SUGCT: variants seen among roughly 807,000 people sequenced by gnomAD.
SUGCT encodes the protein succinyl-CoA:glutarate-CoA transferase.
SUGCT carries 41 observed loss-of-function variants against 55.0 expected under a neutral mutation model. The observed-to-expected ratio is 0.74, with a 90% CI of 0.58 to 0.97. The LOEUF is 0.97. Among genes scored for constraint, SUGCT ranks in the 50% least tolerant of loss-of-function variants. The pLI is 0.00. For synonymous variants in SUGCT, 187 were observed against 200.4 expected (o/e 0.93, Z 0.56); for missense variants, 568 against 547.8 (o/e 1.04, Z -0.37).
intron 12 of SUGCT, among the ~76,000 whole-genome samples, chr7:40,661,706 T>C (rs147855768): frequency 1.6e-4 from 24 of 152,300 alleles, no homozygotes; most frequent in African/African-American, 4.8e-4. Context: ...GCCCCTCCTA[T>C]ACTCAGCCTC....
rs1789094552 is a variant in SUGCT, at chr7:40,237,548, G to T, written c.485-87G>T. ...GTCTCGAAATGCTGCAGGATTTCTG[G>T]ATACAAATGTTTCTAACACACTATA... On this transcript the variant is annotated intron_variant, in intron 6 of 13. Coordinates refer to ENST00000335693, the MANE Select transcript of SUGCT (RefSeq NM_001193313.2). 6 of 999,288 alleles carry T rather than the reference G, an allele frequency of 6.0e-6. No homozygotes were observed. The South Asian group carries it at 7.8e-5, about 13-fold the overall frequency. 61.9% of individuals were successfully genotyped at this position (999,288 alleles called of 1,614,324 possible). A position where few individuals can be genotyped will look rare whatever the true frequency, so the allele number is the denominator to read the frequency against.
At chr7:40,563,553 A>G (rs1268654478) in intron 12 of SUGCT, among the ~76,000 whole-genome samples, 9 of 151,718 alleles carry the variant, frequency 5.9e-5, no homozygotes, top group South Asian at 4.2e-4. Context: ...AAAAAAAAAA[A>G]AGAGAGAGAA....
At chr7:40,519,597 G>A (rs1454091990) in intron 12 of SUGCT, among the ~76,000 whole-genome samples, 1 of 151,938 alleles carries the variant, frequency 6.6e-6, no homozygotes, top group Non-Finnish European at 1.5e-5. Flanking sequence ...AAAGGATTGA[G>A]AAAATTTTGA....
chr7:40,961,560 A>G, the SUGCT span, among the ~76,000 whole-genome samples: 1 of 152,214 alleles, frequency 6.6e-6, no homozygotes, highest in Non-Finnish European at 1.5e-5. Flanking sequence ...ATTTGCTTCA[A>G]AAGCAATTAA....
At chr7:40,440,668 C>T (rs1788466722) in intron 9 of SUGCT, among the ~76,000 whole-genome samples, 2 of 152,038 alleles carry the variant, frequency 1.3e-5, no homozygotes, top group Admixed American at 1.3e-4. Flanking sequence ...AGGGACTTTT[C>T]TAGGATCACT....
At chr7:40,950,681 C>T in the SUGCT span, among the ~76,000 whole-genome samples, 2 of 152,064 alleles carry the variant, frequency 1.3e-5, no homozygotes, top group Admixed American at 6.6e-5. Context: ...TGTTGAATTT[C>T]GTCAAAGGCC....
intron 13 of SUGCT, among the ~76,000 whole-genome samples, chr7:40,773,584 G>C (rs183025154): frequency 3.9e-5 from 6 of 152,318 alleles, no homozygotes; most frequent in South Asian, 4.1e-4. Flanking sequence ...TGCTTCAAAT[G>C]ATGAGCAGCT....
intron 9 of SUGCT, among the ~76,000 whole-genome samples, chr7:40,349,500 T>C (rs1797501744): frequency 6.6e-6 from 1 of 152,166 alleles, no homozygotes; most frequent in Non-Finnish European, 1.5e-5. Context: ...TTTGTCTGGA[T>C]AGTTGAGTCT....
chr7:40,389,442 A>AAAACAAACAAACAAAC (rs67574547), intron 9 of SUGCT, among the ~76,000 whole-genome samples: 1,750 of 107,316 alleles, frequency 0.016, 43 homozygotes, highest in African/African-American at 0.054. Flanking sequence ...CGCCTGTCTC[A>AAAACAAACAAACAAAC]AAACAAACAA....
chr7:40,321,139 G>A (rs758895340), intron 9 of SUGCT, among the ~76,000 whole-genome samples: 31 of 142,672 alleles, frequency 2.2e-4, no homozygotes, highest in East Asian at 2.1e-4. Context: ...TGTATGGTGC[G>A]ATCTCGGCTC....
the SUGCT span, among the ~76,000 whole-genome samples, chr7:41,021,652 T>G: frequency 6.6e-6 from 1 of 151,340 alleles, no homozygotes; most frequent in Non-Finnish European, 1.5e-5. Flanking sequence ...TGGAATAATC[T>G]GAAAGAAAGT....
At chr7:40,992,548 G>T in the SUGCT span, among the ~76,000 whole-genome samples, 1 of 152,084 alleles carries the variant, frequency 6.6e-6, no homozygotes, top group Non-Finnish European at 1.5e-5. Context: ...AGTTGCTCTG[G>T]TTCAAATACC....
intron 1 of SUGCT, among the ~76,000 whole-genome samples, chr7:40,158,493 G>A (rs1784002405): frequency 6.6e-6 from 1 of 152,210 alleles, no homozygotes; most frequent in African/African-American, 2.4e-5. Flanking sequence ...GCTCACGCCT[G>A]TAATCCCAGC....
At chr7:40,820,860 T>C (rs1791952359) in intron 13 of SUGCT, among the ~76,000 whole-genome samples, 1 of 152,232 alleles carries the variant, frequency 6.6e-6, no homozygotes, top group Non-Finnish European at 1.5e-5. Context: ...AAGGGAATGC[T>C]TCCCATTTTC....
chr7:40,680,185 G>A lies in SUGCT; in HGVS notation c.1090-69249G>A, dbSNP rs536901362. The stretch of plus-strand genomic sequence containing the variant: ...TATCAGAATCACCTAAATAAATAGA[G>A]CTTGTTTTTAACTTTTTGGTTTGGT... On this transcript the variant is annotated intron_variant, in intron 12 of 13. Coordinates refer to ENST00000335693, the MANE Select transcript of SUGCT (RefSeq NM_001193313.2). Among the ~76,000 whole-genome samples the A allele has an allele frequency of 5.0e-4, 76 of 152,220 alleles. No individual in the cohort carries two copies. The South Asian group carries it at 0.015, about 30-fold the overall frequency.
At chr7:40,487,243 C>A (rs1054470879) in intron 11 of SUGCT, among the ~76,000 whole-genome samples, 3 of 146,086 alleles carry the variant, frequency 2.1e-5, no homozygotes, top group Admixed American at 2.0e-4. Context: ...TGCCACCACA[C>A]CCAGCTGTTT....
rs1449392833 is a variant in SUGCT at position 40,245,436 on chromosome 7, T to A, written c.576+7710T>A. 9.7e-4 allele frequency among the ~76,000 whole-genome samples: 73 copies of A among 75,326 alleles called. 1 individual carries two copies. The East Asian group carries it at 0.016, about 16-fold the overall frequency. The allele number at this position is 75,326 out of a possible 152,430, so 49.4% of individuals were successfully genotyped here. On this transcript the variant is annotated intron_variant, in intron 7 of 13. Coordinates refer to ENST00000335693, the MANE Select transcript of SUGCT (RefSeq NM_001193313.2). ...ATATATATATATATTTTTTTTTTTTTTTTTTTTTTTTTTTTTTTTTTGAGA... is the reference window on the plus strand; with the variant it reads ...ATATATATATATATTTTTTTTTTTTATTTTTTTTTTTTTTTTTTTTTGAGA...
intron 11 of SUGCT, among the ~76,000 whole-genome samples, chr7:40,481,835 C>T (rs1308402197): frequency 2.0e-5 from 3 of 152,130 alleles, no homozygotes; most frequent in Admixed American, 2.0e-4. Context: ...TTAAGTTACC[C>T]TGTTAAAAAG....
intron 8 of SUGCT, among the ~76,000 whole-genome samples, chr7:40,315,530 T>C (rs1795378579): frequency 6.6e-6 from 1 of 152,152 alleles, no homozygotes; most frequent in Non-Finnish European, 1.5e-5. Flanking sequence ...TAAATGAACA[T>C]AAAAGTGAGT....
Sources: allele counts gnomAD v4.1 joint callset (sites outside exome capture counted in the v4.1 genomes callset), GRCh38; gene constraint gnomAD v4.1.1; transcripts MANE v1.5; gene names NCBI Gene and HGNC (gene_info 2026-07-23, HGNC 2026-07-21).